Variants in GOLGB1 observed in about 807,000 individuals in gnomAD.
The protein encoded by GOLGB1 is golgin B1.
Under a neutral mutation model 336.9 loss-of-function variants are expected in GOLGB1, and 174 were observed. The ratio of observed to expected loss-of-function variants is 0.52; its 90% CI spans 0.46 to 0.59. The LOEUF (loss-of-function observed/expected upper bound fraction) is 0.59, where lower values mean the gene tolerates loss of function less well. Among genes scored for constraint, GOLGB1 ranks in the 20% least tolerant of loss-of-function variants. The pLI is 0.00. For synonymous variants in GOLGB1, 1,208 were observed against 1,289.2 expected (o/e 0.94, Z 1.35); for missense variants, 3,331 against 3,645.3 (o/e 0.91, Z 2.22).
At position 121,666,665 on chromosome 3, in the gene GOLGB1, A is replaced by G. The variant is rs140797148; in HGVS notation, c.9554+811T>C. On this transcript the variant is annotated intron_variant, in intron 20 of 21. Coordinates refer to ENST00000614479, the MANE Select transcript of GOLGB1 (RefSeq NM_001366282.2). ...TCACCTCTGCCACATAAACTTTACA[A>G]GAAAGCATTAATATCAGAAATGTCA... 1.3e-3 allele frequency among the ~76,000 whole-genome samples: 204 copies of G among 152,350 alleles called. 1 individual carries two copies. Among genetic ancestry groups the G allele is most frequent in the African/African-American group, 4.4e-3 (182 of 41,580 alleles).
rs1218377282 is a variant in GOLGB1, at chr3:121,698,758, T to C, written c.1765A>G (p.Arg589Gly). The C allele has an allele frequency of 1.9e-6, 3 of 1,608,330 alleles. No individual in the cohort carries two copies. The highest frequency in any genetic ancestry group is 1.7e-6 in the Non-Finnish European group (2 of 1,175,554). ...ACCTCATGATCTGCTTCCTCAGCCC[T>C]TTTTCCCTGGAGCTGTAATTTAAGA... ...AFLKLQLQGK[R>G]AEEADHEVLD... Residue 589 changes from arginine to glycine, a missense_variant, in exon 13 of 22, where the codon AGG (arginine) becomes GGG (glycine). Transcript: ENST00000614479.
At chr3:121,707,573 C>T (rs934233504) in intron 10 of GOLGB1, among the ~76,000 whole-genome samples, 1 of 150,212 alleles carries the variant, frequency 6.7e-6, no homozygotes, top group East Asian at 1.9e-4. Context: ...GATGAGGCTG[C>T]AGTGAGCCAT....
At chr3:121,715,544 T>G (rs1944696290) in intron 9 of GOLGB1, among the ~76,000 whole-genome samples, 1 of 152,006 alleles carries the variant, frequency 6.6e-6, no homozygotes, top group African/African-American at 2.4e-5. Flanking sequence ...TCATTTTCCC[T>G]TTCCCCCTTG....
rs1231788092 is a variant in GOLGB1, at chr3:121,698,989, G to T, written c.1594-60C>A. ...AATGTTTTATAACATTAAAAAAATAGCCCAACTAAAAACTTGTATTTCATC... is the reference window on the plus strand; with the variant it reads ...AATGTTTTATAACATTAAAAAAATATCCCAACTAAAAACTTGTATTTCATC... On this transcript the variant is annotated intron_variant, in intron 12 of 21. Transcript: ENST00000614479. 3 of 1,281,232 alleles carry T rather than the reference G, an allele frequency of 2.3e-6. No individual in the cohort carries two copies. In the Admixed American group the frequency reaches 7.5e-5, roughly 32 times the overall value. 79.4% of individuals were successfully genotyped at this position (1,281,232 alleles called of 1,614,324 possible). A position where few individuals can be genotyped will look rare whatever the true frequency, so the allele number is the denominator to read the frequency against.
Position 121,692,017 on chromosome 3 carries a change from T to C in GOLGB1, c.7347A>G (p.Thr2449=). 1 of 1,613,614 alleles carries C rather than the reference T, an allele frequency of 6.2e-7. No homozygotes were observed. The highest frequency in any genetic ancestry group is 2.2e-5 in the East Asian group (1 of 44,882). Residue 2449 remains threonine, a synonymous_variant, in exon 14 of 22, where the codon ACA becomes ACG. Coordinates refer to ENST00000614479, the MANE Select transcript of GOLGB1 (RefSeq NM_001366282.2). Reference sequence around the variant, plus strand: ...TGTTTTCCTTTTTGATGGTTTTCAGTGTTTCCATAAGCTGATTGGTTTTAT... The same window carrying C: ...TGTTTTCCTTTTTGATGGTTTTCAGCGTTTCCATAAGCTGATTGGTTTTAT... ...AVDKTNQLME[T]LKTIKKENIQ...
chr3:121,670,305 T>C (rs949853636), intron 17 of GOLGB1, among the ~76,000 whole-genome samples: 1 of 152,140 alleles, frequency 6.6e-6, no homozygotes, highest in African/African-American at 2.4e-5. Context: ...AGTATACCAG[T>C]TGCATGTTCA....
At chr3:121,718,259 T>G (rs532931721) in intron 8 of GOLGB1, 129 bp downstream of exon 8, 19 of 623,890 alleles carry the variant, frequency 3.0e-5, no homozygotes, top group Non-Finnish European at 5.5e-5. Context: ...ACGAGGTATT[T>G]GTTGAAAGAA....
intron 17 of GOLGB1, among the ~76,000 whole-genome samples, chr3:121,672,731 C>T (rs2107590865): frequency 6.6e-6 from 1 of 152,348 alleles, no homozygotes; most frequent in South Asian, 2.1e-4. Context: ...AGCATTTCCA[C>T]AAGTTTTGCT....
intron 9 of GOLGB1, among the ~76,000 whole-genome samples, chr3:121,715,560 G>T (rs1944698441): frequency 6.6e-6 from 1 of 151,758 alleles, no homozygotes; most frequent in African/African-American, 2.4e-5. Flanking sequence ...CCTTGAAAAT[G>T]GCTTTAGGGT....
At chr3:121,678,502 C>T (rs527892239) in intron 15 of GOLGB1, among the ~76,000 whole-genome samples, 1 of 152,248 alleles carries the variant, frequency 6.6e-6, no homozygotes, top group African/African-American at 2.4e-5. Flanking sequence ...AAAGCAGGTG[C>T]TGCTTGATCA....
chr3:121,704,649 G>A (rs1014110366), intron 10 of GOLGB1, among the ~76,000 whole-genome samples: 3 of 151,848 alleles, frequency 2.0e-5, no homozygotes, highest in African/African-American at 4.8e-5. Flanking sequence ...GGTGACTCAC[G>A]CCTGTAATCC....
chr3:121,700,775 C>T (rs560621757), intron 11 of GOLGB1, among the ~76,000 whole-genome samples: 2 of 152,186 alleles, frequency 1.3e-5, no homozygotes, highest in Admixed American at 1.3e-4. Context: ...CTTTGCATGG[C>T]TGTCCCCTTT....
chr3:121,742,073 A>G (rs996690485), intron 1 of GOLGB1, among the ~76,000 whole-genome samples: 1 of 152,210 alleles, frequency 6.6e-6, no homozygotes, highest in African/African-American at 2.4e-5. Flanking sequence ...TGCCATCCCC[A>G]TCAAGCTACC....
At chr3:121,675,624 G>A (rs181479039) in intron 17 of GOLGB1, among the ~76,000 whole-genome samples, 273 of 152,288 alleles carry the variant, frequency 1.8e-3, no homozygotes, top group South Asian at 5.8e-3. Context: ...GAAGACACAA[G>A]GGACTTCTGG....
intron 14 of GOLGB1, among the ~76,000 whole-genome samples, chr3:121,685,449 C>A (rs544574374): frequency 5.1e-4 from 77 of 152,080 alleles, no homozygotes; most frequent in Non-Finnish European, 1.0e-3. Context: ...GCAGAAGAAT[C>A]GCTTGAACCC....
At chr3:121,721,570 C>A (rs1422504706) in intron 6 of GOLGB1, among the ~76,000 whole-genome samples, 1 of 152,154 alleles carries the variant, frequency 6.6e-6, no homozygotes, top group Admixed American at 6.5e-5. Flanking sequence ...GAGACTGAGG[C>A]TGCAGTGAGC....
intron 10 of GOLGB1, 144 bp from the exon 11 acceptor site, chr3:121,702,739 G>A: frequency 2.6e-6 from 1 of 381,812 alleles, no homozygotes; most frequent in Non-Finnish European, 4.7e-6. Flanking sequence ...TATCTGCCTA[G>A]GTAATCTTTG....
rs1940466122 is a variant in GOLGB1, at chr3:121,676,926, T to C, written c.9144A>G (p.Gln3048=). 2 of 1,613,840 alleles carry C rather than the reference T, an allele frequency of 1.2e-6. No homozygotes were observed. Among genetic ancestry groups the C allele is most frequent in the Non-Finnish European group, 1.7e-6 (2 of 1,179,710 alleles). ...TCAGTTGCTGAATTCTTAACTCCTT[T>C]TGGTGAATTTCCTTTAAGCTGTCAT... is the stretch of plus-strand genomic sequence containing the variant. ...QLNDSLKEIH[Q]KELRIQQLNS... is the part of the protein sequence containing the mutation. Residue 3048 remains glutamine, a synonymous_variant, in exon 17 of 22, where the codon CAA becomes CAG. Transcript: ENST00000614479.
At position 121,682,987 on chromosome 3, in the gene GOLGB1, G is replaced by C. The variant is rs1020281989; in HGVS notation, c.8695-1122C>G. Among the ~76,000 whole-genome samples the C allele has an allele frequency of 6.6e-5, 10 of 151,600 alleles. No individual in the cohort carries two copies. In the South Asian group the frequency reaches 2.1e-3, roughly 31 times the overall value. ...CTCTGGAAAAGATGGTGATGGGGGT[G>C]GGAGGGAGGTGATAGCTGAGATAAG... On this transcript the variant is annotated intron_variant, in intron 14 of 21. Coordinates refer to ENST00000614479, the MANE Select transcript of GOLGB1 (RefSeq NM_001366282.2).
Sources: gnomAD v4.1 joint callset for allele counts (sites outside exome capture counted in the v4.1 genomes callset) on GRCh38, gnomAD v4.1.1 for gene constraint, MANE v1.5 for transcripts, NCBI Gene and HGNC (gene_info 2026-07-23, HGNC 2026-07-21) for gene names.